ARB2A: variants seen among roughly 807,000 people sequenced by gnomAD.
The protein encoded by ARB2A is cotranscriptional regulator ARB2A.
chr5:93,643,333 G>C, the ARB2A span, among the ~76,000 whole-genome samples: 6 of 152,142 alleles, frequency 3.9e-5, no homozygotes, highest in Admixed American at 1.3e-4. Flanking sequence ...GAAGGGCCAA[G>C]ATTTTCTCAA....
chr5:94,069,039 A>AAGATAGAT, the ARB2A span, among the ~76,000 whole-genome samples: 43,952 of 140,042 alleles, frequency 0.31, 7,023 homozygotes, highest in East Asian at 0.33. Flanking sequence ...CTGTCTTAAA[A>AAGATAGAT]AGATAGATAG....
the ARB2A span, among the ~76,000 whole-genome samples, chr5:93,731,753 G>T: frequency 4.6e-5 from 7 of 152,116 alleles, no homozygotes; most frequent in Non-Finnish European, 8.8e-5. Context: ...CATCCTGAAA[G>T]GAAAAGGAAG....
At chr5:93,884,087 A>G in the ARB2A span, among the ~76,000 whole-genome samples, 7 of 151,542 alleles carry the variant, frequency 4.6e-5, no homozygotes, top group African/African-American at 1.7e-4. Context: ...AAATTCAAAA[A>G]CTTCACTCAA....
At chr5:93,701,651 CA>C in the ARB2A span, among the ~76,000 whole-genome samples, 1 of 151,728 alleles carries the variant, frequency 6.6e-6, no homozygotes, top group South Asian at 2.1e-4. Flanking sequence ...ATCCACTAGC[CA>C]AAAATCTGCA....
the ARB2A span, among the ~76,000 whole-genome samples, chr5:93,671,667 T>C: frequency 1.3e-5 from 2 of 152,134 alleles, no homozygotes; most frequent in Non-Finnish European, 2.9e-5. Flanking sequence ...ATTTTTGAGA[T>C]GACCCCTCAA....
At chr5:93,863,628 G>A in the ARB2A span, 2 of 151,930 alleles carry the variant, frequency 1.3e-5, no homozygotes, top group East Asian at 1.9e-4. Context: ...CTACAGTGGA[G>A]AGAAGATTCA....
At chr5:93,960,080 T>TGCC in the ARB2A span, among the ~76,000 whole-genome samples, 19 of 47,930 alleles carry the variant, frequency 4.0e-4, no homozygotes, top group South Asian at 1.8e-3. Flanking sequence ...AAACTCTAGA[T>TGCC]GCCCCCCCCC....
the ARB2A span, among the ~76,000 whole-genome samples, chr5:93,624,237 T>C: frequency 5.3e-5 from 8 of 152,194 alleles, no homozygotes; most frequent in African/African-American, 1.9e-4. Context: ...TAAAATGCAA[T>C]GATGTAGAAA....
the ARB2A span, among the ~76,000 whole-genome samples, chr5:93,798,869 T>C: frequency 2.0e-5 from 3 of 152,172 alleles, no homozygotes; most frequent in African/African-American, 7.2e-5. Context: ...GGCTCCAAAG[T>C]GATTTACTTT....
At chr5:93,620,507 C>A in the ARB2A span, 2 of 151,638 alleles carry the variant, frequency 1.3e-5, no homozygotes. Context: ...TAATAAGATG[C>A]CCTCAGGGAA....
chr5:94,096,937 C>T, the ARB2A span, among the ~76,000 whole-genome samples: 1 of 152,156 alleles, frequency 6.6e-6, no homozygotes, highest in African/African-American at 2.4e-5. Context: ...CCTACTCTCA[C>T]CATGGACCTC....
At chr5:93,825,378 G>T in the ARB2A span, among the ~76,000 whole-genome samples, 25 of 152,198 alleles carry the variant, frequency 1.6e-4, no homozygotes, top group East Asian at 4.6e-3. Flanking sequence ...ACAATGTTCT[G>T]TCCGTTCTTC....
the ARB2A span, among the ~76,000 whole-genome samples, chr5:94,036,793 G>GC: frequency 6.6e-6 from 1 of 152,080 alleles, no homozygotes; most frequent in Non-Finnish European, 1.5e-5. Context: ...CTCATTTCTT[G>GC]CCCCAGTCAG....
chr5:93,707,872 A>G, the ARB2A span, among the ~76,000 whole-genome samples: 47 of 151,834 alleles, frequency 3.1e-4, no homozygotes, highest in Admixed American at 3.1e-3. Context: ...ACCGCGCTCG[A>G]CCAGTATTTT....
the ARB2A span, among the ~76,000 whole-genome samples, chr5:93,798,874 T>C: frequency 3.9e-5 from 6 of 152,282 alleles, no homozygotes; most frequent in South Asian, 1.2e-3. Flanking sequence ...CAAAGTGATT[T>C]ACTTTTATGT....
chr5:93,639,296 T>C, the ARB2A span, among the ~76,000 whole-genome samples: 2 of 152,210 alleles, frequency 1.3e-5, no homozygotes, highest in African/African-American at 4.8e-5. Context: ...CCTAACACTA[T>C]GATTTCTTCT....
At chr5:94,104,812 T>A in the ARB2A span, among the ~76,000 whole-genome samples, 1 of 152,002 alleles carries the variant, frequency 6.6e-6, no homozygotes, top group Non-Finnish European at 1.5e-5. Context: ...ATGATCAAAA[T>A]GGCTTTATTC....
At chr5:93,959,070 CTATAGAAT>C in the ARB2A span, 1 of 725,306 alleles carries the variant, frequency 1.4e-6, no homozygotes, top group Non-Finnish European at 2.0e-6. Context: ...TAAATGGTTA[CTATAGAAT>C]TATAGAAGTA....
chr5:93,881,662 AT>A, the ARB2A span: 12 of 1,589,912 alleles, frequency 7.5e-6, no homozygotes, highest in Non-Finnish European at 1.0e-5. Flanking sequence ...TTTCATTGGG[AT>A]TTAGTACTAT....
Sources: allele counts gnomAD v4.1 joint callset (sites outside exome capture counted in the v4.1 genomes callset), GRCh38; gene constraint gnomAD v4.1.1; transcripts MANE v1.5; gene names NCBI Gene and HGNC (gene_info 2026-07-23, HGNC 2026-07-21).